Variants in POF1B observed in about 807,000 individuals in gnomAD.
POF1B encodes protein POF1B.
A neutral mutation model predicts 55.3 loss-of-function variants in POF1B; 53 were observed. The ratio of observed to expected loss-of-function variants is 0.96; its 90% CI spans 0.77 to 1.20. The LOEUF is 1.20. POF1B is among the 50% of genes most tolerant of loss of function. POF1B has a pLI of 0.00. For missense variants in POF1B, 478 were observed against 420.5 expected, an observed-to-expected ratio of 1.14 and a Z score of -1.20; for synonymous variants, 188 against 148.3, an observed-to-expected ratio of 1.27 and a Z score of -1.95.
At chrX:85,317,775 T>G (rs895097963) in intron 7 of POF1B, among the ~76,000 whole-genome samples, 2 of 111,662 alleles carry the variant, frequency 1.8e-5, no homozygotes, top group African/African-American at 6.5e-5. Context: ...CTTGTGTAAG[T>G]TCATTGCAGC....
intron 2 of POF1B, among the ~76,000 whole-genome samples, chrX:85,375,933 G>C (rs1933913339): frequency 9.0e-6 from 1 of 111,162 alleles, no homozygotes; most frequent in Admixed American, 9.6e-5. Flanking sequence ...TGTTTTACTT[G>C]ATAAAATGCT....
chrX:85,287,413 C>G (rs756429835), intron 15 of POF1B, among the ~76,000 whole-genome samples: 1 of 110,752 alleles, frequency 9.0e-6, no homozygotes, highest in African/African-American at 3.3e-5. Flanking sequence ...GAAGGGATAT[C>G]CCTATAGGTC....
At chrX:85,296,101 A>C (rs56086918) in intron 15 of POF1B, among the ~76,000 whole-genome samples, 1 of 111,232 alleles carries the variant, frequency 9.0e-6, no homozygotes, top group African/African-American at 3.3e-5. Context: ...ATCTTTCTCT[A>C]TCCCTTTACT....
chrX:85,323,867 C>T (rs929203000), intron 7 of POF1B, among the ~76,000 whole-genome samples: 2 of 111,017 alleles, frequency 1.8e-5, no homozygotes, highest in Admixed American at 9.6e-5. Flanking sequence ...TATAAACTTC[C>T]CTTATAACAT....
intron 5 of POF1B, among the ~76,000 whole-genome samples, chrX:85,351,087 T>A (rs1933376315): frequency 9.0e-6 from 1 of 111,707 alleles, no homozygotes; most frequent in Admixed American, 9.5e-5. Context: ...TTTATTAAGT[T>A]CAGATTCTGC....
intron 9 of POF1B, among the ~76,000 whole-genome samples, chrX:85,313,782 T>C (rs763983147): frequency 1.8e-5 from 2 of 111,397 alleles, no homozygotes; most frequent in East Asian, 5.6e-4. Flanking sequence ...CTGGTAGAAT[T>C]TGGCTGTGAA....
intron 7 of POF1B, among the ~76,000 whole-genome samples, chrX:85,323,557 G>C (rs1429507090): frequency 1.9e-5 from 2 of 107,657 alleles, no homozygotes; most frequent in Non-Finnish European, 3.8e-5. Flanking sequence ...TAACTAACCT[G>C]CACATTGTGC....
At chrX:85,300,290 A>G (rs1932414927) in intron 15 of POF1B, among the ~76,000 whole-genome samples, 1 of 111,847 alleles carries the variant, frequency 8.9e-6, no homozygotes, top group African/African-American at 3.3e-5. Context: ...AACTCTGTGT[A>G]AGCAGGAACT....
At chrX:85,377,105 A>T (rs1933935677) in intron 2 of POF1B, among the ~76,000 whole-genome samples, 1 of 111,930 alleles carries the variant, frequency 8.9e-6, no homozygotes, top group African/African-American at 3.2e-5. Context: ...TTAAGGATAG[A>T]CTTTATTGAA....
At chrX:85,306,479 G>T in intron 11 of POF1B, 146 bp from the exon 12 acceptor site, 1 of 509,174 alleles carries the variant, frequency 2.0e-6, no homozygotes, top group Non-Finnish European at 3.2e-6. Context: ...GGTACATTAA[G>T]TCACCCATGT....
Position 85,362,892 on chromosome X carries a change from T to C in POF1B, c.358-3262A>G, listed in dbSNP as rs762274883. Among the ~76,000 whole-genome samples, 79 of 110,942 alleles carry C rather than the reference T, an allele frequency of 7.1e-4. 1 individual carries two copies. The highest frequency in any genetic ancestry group is 1.2e-3 in the Non-Finnish European group (66 of 52,938). On this transcript the variant is annotated intron_variant, in intron 3 of 16. Coordinates refer to ENST00000262753, the MANE Select transcript of POF1B (RefSeq NM_024921.4). The stretch of plus-strand genomic sequence containing the variant: ...TCTGGTCCTGGGCTTTTTTTGGTTG[T>C]TAGGCTATTTATTACTGATTCAATT...
chrX:85,287,697 T>C (rs903565785), intron 15 of POF1B, among the ~76,000 whole-genome samples: 2 of 111,359 alleles, frequency 1.8e-5, no homozygotes, highest in African/African-American at 6.5e-5. Flanking sequence ...ACATAAACTC[T>C]TCCAAAATAT....
At chrX:85,297,745 C>T (rs1932339138) in intron 15 of POF1B, among the ~76,000 whole-genome samples, 1 of 111,726 alleles carries the variant, frequency 9.0e-6, no homozygotes, top group African/African-American at 3.3e-5. Context: ...CCCACTTGAT[C>T]ACTGGCACTG....
intron 16 of POF1B, among the ~76,000 whole-genome samples, chrX:85,280,834 A>G (rs1358890734): frequency 2.7e-5 from 3 of 109,407 alleles, no homozygotes; most frequent in East Asian, 2.9e-4. Context: ...TATAATTAGG[A>G]AAAAAACCCA....
At chrX:85,314,375 C>G in intron 9 of POF1B, 57 bp downstream of exon 9, 1 of 932,434 alleles carries the variant, frequency 1.1e-6, no homozygotes, top group South Asian at 2.7e-5. Context: ...AGGGAAGCAA[C>G]CTAGGAAGCT....
intron 3 of POF1B, among the ~76,000 whole-genome samples, chrX:85,363,886 T>G (rs187609297): frequency 3.9e-4 from 43 of 111,504 alleles, no homozygotes; most frequent in African/African-American, 1.3e-3. Flanking sequence ...AGTCTGCATC[T>G]CTTTGTAGGT....
At chrX:85,300,963 C>T (rs895861101) in intron 15 of POF1B, among the ~76,000 whole-genome samples, 1 of 111,513 alleles carries the variant, frequency 9.0e-6, no homozygotes, top group African/African-American at 3.3e-5. Flanking sequence ...AAAGAAGGTC[C>T]GTTGAGTTTA....
intron 5 of POF1B, among the ~76,000 whole-genome samples, chrX:85,346,755 A>G (rs976324229): frequency 9.0e-6 from 1 of 110,904 alleles, no homozygotes; most frequent in Non-Finnish European, 1.9e-5. Flanking sequence ...ACTACAAAGT[A>G]GGTGAGTAAC....
rs771356906 is a variant in POF1B at position 85,350,031 on chromosome X, G to GT, written c.540+1318dup. On this transcript the variant is annotated intron_variant, in intron 5 of 16. Coordinates refer to ENST00000262753, the MANE Select transcript of POF1B (RefSeq NM_024921.4). ...ATGGAATTACTGTGGCCTTGCTGCA[G>GT]TTTTTTTTATTATTATTATACTTTA... Among the ~76,000 whole-genome samples, 721 of 109,884 alleles carry GT rather than the reference G, an allele frequency of 6.6e-3. 9 individuals carry two copies. The highest frequency in any genetic ancestry group is 0.022 in the African/African-American group (677 of 30,339).
Sources: allele counts gnomAD v4.1 joint callset (sites outside exome capture counted in the v4.1 genomes callset), GRCh38; gene constraint gnomAD v4.1.1; transcripts MANE v1.5; gene names NCBI Gene and HGNC (gene_info 2026-07-23, HGNC 2026-07-21).